Variants in INSC observed in about 807,000 individuals in gnomAD.
The protein encoded by INSC is protein inscuteable homolog.
Under a neutral mutation model 58.6 loss-of-function variants are expected in INSC, and 67 were observed. The observed-to-expected ratio is 1.14, with a 90% CI of 0.94 to 1.40. The LOEUF is 1.40. Ranked by LOEUF, INSC falls within the 40% of genes most tolerant of loss-of-function variation. The pLI is 0.00. For synonymous variants in INSC, 262 were observed against 276.1 expected (o/e 0.95, Z 0.51); for missense variants, 714 against 692.0 (o/e 1.03, Z -0.36).
chr11:15,219,806 T>A (rs561182074), intron 7 of INSC, among the ~76,000 whole-genome samples: 2 of 152,314 alleles, frequency 1.3e-5, no homozygotes, highest in African/African-American at 4.8e-5. Context: ...AGGAAAGGGA[T>A]GAAAGCCAGA....
At chr11:15,144,102 G>A (rs553501959) in intron 1 of INSC, among the ~76,000 whole-genome samples, 2 of 152,288 alleles carry the variant, frequency 1.3e-5, no homozygotes, top group African/African-American at 2.4e-5. Context: ...TTGCTGCAAA[G>A]GATTCTGGGA....
At chr11:15,218,548 TTC>T (rs368147227) in intron 7 of INSC, among the ~76,000 whole-genome samples, 13 of 151,530 alleles carry the variant, frequency 8.6e-5, no homozygotes, top group South Asian at 8.4e-4. Flanking sequence ...TTAAAACTTA[TTC>T]TCTCTCTCTC....
chr11:15,260,008 G>C, the INSC span, among the ~76,000 whole-genome samples: 112 of 152,090 alleles, frequency 7.4e-4, no homozygotes, highest in Non-Finnish European at 1.5e-3. Flanking sequence ...TATGATCAGT[G>C]GGAAAAAAAA....
In INSC at chr11:15,198,373, G is replaced by A. The variant is rs560093949; in HGVS notation, c.694-2451G>A. Reference sequence around the variant, plus strand: ...TCCTGGTAGCTAAAAGTGCTAAGAAGGCCATTTTTCACAGGCTTGAGAGAG... The same window carrying A: ...TCCTGGTAGCTAAAAGTGCTAAGAAAGCCATTTTTCACAGGCTTGAGAGAG... On this transcript the variant is annotated intron_variant, in intron 6 of 12. Coordinates refer to ENST00000379556, the MANE Select transcript of INSC (RefSeq NM_001042536.3). Among the ~76,000 whole-genome samples, 539 of 152,234 alleles carry A rather than the reference G, an allele frequency of 3.5e-3. 4 individuals carry two copies. Among genetic ancestry groups the A allele is most frequent in the African/African-American group, 0.012 (504 of 41,528 alleles).
chr11:15,111,689 A>G (rs1040164507), upstream of INSC, among the ~76,000 whole-genome samples: 11 of 152,228 alleles, frequency 7.2e-5, no homozygotes, highest in Admixed American at 7.2e-4. Flanking sequence ...GTGAGGCCAC[A>G]GACAGGTGAT....
At chr11:15,245,504 G>T (rs1852526497) in intron 12 of INSC, among the ~76,000 whole-genome samples, 1 of 152,118 alleles carries the variant, frequency 6.6e-6, no homozygotes, top group South Asian at 2.1e-4. Flanking sequence ...CAGAATCCCT[G>T]TCTACTTTTA....
intron 10 of INSC, among the ~76,000 whole-genome samples, chr11:15,236,637 G>GT (rs1221475407): frequency 3.9e-5 from 6 of 152,240 alleles, no homozygotes; most frequent in Non-Finnish European, 7.3e-5. Context: ...AAAGGACAAG[G>GT]TGGTGGCTGC....
At chr11:15,165,843 C>CTTGTAG (rs531785891) in intron 2 of INSC, among the ~76,000 whole-genome samples, 15 of 151,550 alleles carry the variant, frequency 9.9e-5, no homozygotes, top group Non-Finnish European at 1.6e-4. Flanking sequence ...TCAGTTCCAC[C>CTTGTAG]TTGTAGTTGC....
chr11:15,230,024 A>T lies in INSC; in HGVS notation c.1170+4196A>T, dbSNP rs868190345. Reference sequence around the variant, plus strand: ...ATATATATATATATAATATATATATATATATATATATATATAAAAGCCAGG... The same window carrying T: ...ATATATATATATATAATATATATATTTATATATATATATATAAAAGCCAGG... On this transcript the variant is annotated intron_variant, in intron 9 of 12. Transcript: ENST00000379556. 2.0e-3 allele frequency among the ~76,000 whole-genome samples: 131 copies of T among 64,644 alleles called. 10 individuals are homozygous for T. The highest frequency in any genetic ancestry group is 7.2e-3 in the African/African-American group (116 of 16,204). 42.4% of individuals were successfully genotyped at this position (64,644 alleles called of 152,430 possible).
the INSC span, among the ~76,000 whole-genome samples, chr11:15,262,360 C>A: frequency 6.6e-6 from 1 of 152,050 alleles, no homozygotes; most frequent in Non-Finnish European, 1.5e-5. Flanking sequence ...ACCATAAAGG[C>A]ATTTGATAAA....
In INSC at chr11:15,221,499, C is replaced by A; in HGVS notation, c.842C>A (p.Ala281Asp). ...LEKVDGVLCL[A>D]DILTDNSHSE... ...CAGGTGGATGGCGTTCTGTGCTTGGCCGACATCCTGACCGACAACAGCCAC... is the reference window on the plus strand; with the variant it reads ...CAGGTGGATGGCGTTCTGTGCTTGGACGACATCCTGACCGACAACAGCCAC... Residue 281 changes from alanine (A) to aspartate (D), a missense_variant, in exon 8 of 13, where the codon GCC becomes GAC. Ala to Asp is a moderately radical substitution (Grantham distance 126). Transcript: ENST00000379556. 6.2e-7 allele frequency: 1 copy of A among 1,612,028 alleles called. No homozygotes were observed. The highest frequency in any genetic ancestry group is 8.5e-7 in the Non-Finnish European group (1 of 1,178,998).
chr11:15,117,031 C>T (rs1380872763), intron 1 of INSC, among the ~76,000 whole-genome samples: 1 of 149,498 alleles, frequency 6.7e-6, no homozygotes, highest in Non-Finnish European at 1.5e-5. Context: ...CAACCTCTGC[C>T]CCCCGGATTC....
intron 7 of INSC, among the ~76,000 whole-genome samples, chr11:15,217,757 C>A (rs1217578830): frequency 1.3e-5 from 2 of 152,136 alleles, no homozygotes; most frequent in African/African-American, 4.8e-5. Context: ...AAAGCCAAAA[C>A]AAACCAAATC....
intron 5 of INSC, among the ~76,000 whole-genome samples, chr11:15,180,276 AAAAC>A (rs150336587): frequency 5.9e-5 from 9 of 151,882 alleles, no homozygotes; most frequent in East Asian, 5.8e-4. Flanking sequence ...CAAACAAAAC[AAAAC>A]AAACAAACAA....
intron 7 of INSC, 68 bp downstream of exon 7, chr11:15,201,017 G>A: frequency 6.6e-7 from 1 of 1,522,478 alleles, no homozygotes; most frequent in Non-Finnish European, 8.8e-7. Flanking sequence ...CAGGCCTCAT[G>A]ATGGCCATCT....
intron 7 of INSC, among the ~76,000 whole-genome samples, chr11:15,215,127 C>T (rs1388899348): frequency 6.6e-6 from 1 of 152,212 alleles, no homozygotes; most frequent in African/African-American, 2.4e-5. Context: ...AGCTCTGCTG[C>T]CCAGATGATG....
At chr11:15,237,807 C>T (rs1282847829) in intron 10 of INSC, among the ~76,000 whole-genome samples, 1 of 152,140 alleles carries the variant, frequency 6.6e-6, no homozygotes, top group African/African-American at 2.4e-5. Context: ...TAAGCTTTAA[C>T]AATTTGTTGT....
chr11:15,263,228 A>G, the INSC span, among the ~76,000 whole-genome samples: 1 of 152,116 alleles, frequency 6.6e-6, no homozygotes, highest in Non-Finnish European at 1.5e-5. Flanking sequence ...ACACAGCGTT[A>G]ACAGGTTTAA....
At chr11:15,181,160 G>C (rs1271059643) in intron 5 of INSC, among the ~76,000 whole-genome samples, 1 of 152,150 alleles carries the variant, frequency 6.6e-6, no homozygotes, top group Non-Finnish European at 1.5e-5. Context: ...AGTATTTCTT[G>C]TCTGACCTGC....
Sources: allele counts gnomAD v4.1 joint callset (sites outside exome capture counted in the v4.1 genomes callset), GRCh38; gene constraint gnomAD v4.1.1; transcripts MANE v1.5; gene names NCBI Gene and HGNC (gene_info 2026-07-23, HGNC 2026-07-21).